The following WDPCP variants were observed in gnomAD, a reference collection of about 807,000 sequenced individuals.
WDPCP encodes WD repeat containing planar cell polarity effector.
In WDPCP, 71 loss-of-function variants were observed where a neutral mutation model predicts 93.1. That is an observed-to-expected ratio of 0.76 (90% CI 0.63 to 0.93). WDPCP has a LOEUF of 0.93. WDPCP is among the 40% of genes least tolerant of loss of function. The probability of loss-of-function intolerance (pLI) is 0.00; values close to 1 mark genes in which losing one functional copy is unlikely to be tolerated. For missense variants in WDPCP, 844 were observed against 887.4 expected (o/e 0.95, Z 0.62); for synonymous variants, 315 against 315.0 (o/e 1.00, Z 0.00).
rs142794302 is a variant in WDPCP at position 63,551,769 on chromosome 2, C to T, written c.75+36428G>A. Among the ~76,000 whole-genome samples the T allele has an allele frequency of 3.8e-3, 577 of 152,054 alleles. 4 individuals are homozygous for T. Among genetic ancestry groups the T allele is most frequent in the African/African-American group, 0.013 (541 of 41,484 alleles). ...AATGCTGGCATAATGCTTTTGTTTT[C>T]TAAAACCAAAGACACATATGTGAAT... On this transcript the variant is annotated intron_variant, in intron 1 of 17. Transcript: ENST00000272321.
At chr2:63,157,259 C>A (rs1672323595) in intron 15 of WDPCP, among the ~76,000 whole-genome samples, 1 of 151,556 alleles carries the variant, frequency 6.6e-6, no homozygotes, top group African/African-American at 2.4e-5. Context: ...ATTCTTAATC[C>A]TTGTTGAGGA....
intron 3 of WDPCP, among the ~76,000 whole-genome samples, chr2:63,628,084 T>C (rs554897124): frequency 3.3e-5 from 5 of 152,298 alleles, no homozygotes; most frequent in African/African-American, 1.2e-4. Flanking sequence ...TGCGTGCTCC[T>C]GGTCCTGCTA....
intron 17 of WDPCP, among the ~76,000 whole-genome samples, chr2:63,132,586 A>G (rs1369459411): frequency 1.4e-5 from 2 of 148,088 alleles, no homozygotes; most frequent in Non-Finnish European, 3.0e-5. Flanking sequence ...AAGCTTGTTT[A>G]TTCTTTCTTC....
At chr2:63,570,404 A>G (rs1707396262) in intron 1 of WDPCP, among the ~76,000 whole-genome samples, 1 of 152,146 alleles carries the variant, frequency 6.6e-6, no homozygotes, top group Admixed American at 6.6e-5. Flanking sequence ...TCCTCCCCTT[A>G]ACCTTCACCT....
intron 14 of WDPCP, among the ~76,000 whole-genome samples, chr2:63,190,549 A>G (rs1266633516): frequency 6.6e-6 from 1 of 152,128 alleles, no homozygotes; most frequent in Non-Finnish European, 1.5e-5. Context: ...ATATAAAATG[A>G]AAGTAAGATC....
At chr2:63,710,888 A>C (rs570805884) in intron 2 of WDPCP, among the ~76,000 whole-genome samples, 1 of 152,214 alleles carries the variant, frequency 6.6e-6, no homozygotes, top group African/African-American at 2.4e-5. Context: ...GATCTATTTC[A>C]TCCTGGACTT....
At chr2:63,745,527 G>T (rs1223817552) in intron 2 of WDPCP, among the ~76,000 whole-genome samples, 1 of 152,110 alleles carries the variant, frequency 6.6e-6, no homozygotes, top group Non-Finnish European at 1.5e-5. Context: ...ATTAGACAAG[G>T]TAATGATTTT....
At chr2:63,400,490 G>T (rs967448164) in intron 10 of WDPCP, among the ~76,000 whole-genome samples, 1 of 152,082 alleles carries the variant, frequency 6.6e-6, no homozygotes, top group East Asian at 1.9e-4. Flanking sequence ...TCTGACAAAG[G>T]TCTAATATCC....
intron 14 of WDPCP, among the ~76,000 whole-genome samples, chr2:63,200,982 G>A (rs1056118161): frequency 6.6e-6 from 1 of 152,078 alleles, no homozygotes; most frequent in Non-Finnish European, 1.5e-5. Flanking sequence ...AAATGATATG[G>A]TTTGGGTCTG....
chr2:63,559,997 A>C (rs572304962), intron 1 of WDPCP, among the ~76,000 whole-genome samples: 1 of 150,406 alleles, frequency 6.6e-6, no homozygotes, highest in Non-Finnish European at 1.5e-5. Flanking sequence ...TTGGGAGGCC[A>C]AGACAGGTGG....
intron 10 of WDPCP, among the ~76,000 whole-genome samples, chr2:63,396,668 A>G (rs1360434331): frequency 7.2e-6 from 1 of 138,018 alleles, no homozygotes; most frequent in Non-Finnish European, 1.6e-5. Context: ...CTTTTTTTTT[A>G]ACTTTTATTT....
intron 6 of WDPCP, among the ~76,000 whole-genome samples, chr2:63,454,220 C>G (rs1698472988): frequency 6.6e-6 from 1 of 151,854 alleles, no homozygotes. Context: ...ATGGATGAAG[C>G]TGGAAACCAT....
the WDPCP span, among the ~76,000 whole-genome samples, chr2:63,840,067 G>A: frequency 1.1e-4 from 16 of 152,326 alleles, no homozygotes; most frequent in Middle Eastern, 6.8e-3. Flanking sequence ...GCTGCCCAAA[G>A]CCTCAAACTC....
chr2:63,494,757 A>G (rs547190508), intron 1 of WDPCP, among the ~76,000 whole-genome samples: 1 of 152,182 alleles, frequency 6.6e-6, no homozygotes, highest in Non-Finnish European at 1.5e-5. Flanking sequence ...CGTCTCTACT[A>G]AAAATACAAA....
chr2:63,593,455 T>C, upstream of WDPCP: 1 of 420,626 alleles, frequency 2.4e-6, no homozygotes, highest in South Asian at 1.8e-5. Flanking sequence ...ACCAAATTGC[T>C]GAGTGCTGCT....
In WDPCP at chr2:63,595,116, T is replaced by C. The variant is rs1325931784; in HGVS notation, n.488+55543A>G. 1.0e-5 allele frequency: 4 copies of C among 400,480 alleles called. No homozygotes were observed. In the East Asian group the frequency reaches 2.4e-4, roughly 24 times the overall value. 24.8% of individuals were successfully genotyped at this position (400,480 alleles called of 1,614,324 possible). The stretch of plus-strand genomic sequence containing the variant: ...GCTTTCCATGAACTGAAATCAAATA[T>C]ACAGCTATTAACAATAAGAGCAAGC... On this transcript the variant is annotated intron_variant and non_coding_transcript_variant, in intron 3 of 4. Transcript: ENST00000467687.
At chr2:63,832,332 A>G (rs1173023101), upstream of WDPCP, among the ~76,000 whole-genome samples, 2 of 152,202 alleles carry the variant, frequency 1.3e-5, no homozygotes, top group Non-Finnish European at 2.9e-5. Context: ...CATGAGGTTG[A>G]AAGCTGAAAA....
chr2:63,200,288 TCAAAAAA>T (rs879236194), intron 14 of WDPCP, among the ~76,000 whole-genome samples: 7 of 152,242 alleles, frequency 4.6e-5, no homozygotes, highest in Admixed American at 4.6e-4. Flanking sequence ...TGGAGGTTCC[TCAAAAAA>T]CTAAAAATAG....
At chr2:63,278,555 C>T (rs1466637937) in intron 13 of WDPCP, among the ~76,000 whole-genome samples, 3 of 152,120 alleles carry the variant, frequency 2.0e-5, no homozygotes, top group East Asian at 1.9e-4. Context: ...CAGCTGGGCA[C>T]GGTGGCTCAT....
Sources: gnomAD v4.1 joint callset for allele counts (sites outside exome capture counted in the v4.1 genomes callset) on GRCh38, gnomAD v4.1.1 for gene constraint, MANE v1.5 for transcripts, NCBI Gene and HGNC (gene_info 2026-07-23, HGNC 2026-07-21) for gene names.